The following CCSER1 variants were observed in gnomAD, a reference collection of about 807,000 sequenced individuals.
CCSER1 encodes coiled-coil serine rich protein 1, also known as serine-rich coiled-coil domain-containing protein 1.
CCSER1 carries 41 observed loss-of-function variants against 82.0 expected under a neutral mutation model. The ratio of observed to expected loss-of-function variants is 0.50; its 90% CI spans 0.39 to 0.65. CCSER1 has a LOEUF of 0.65. CCSER1 is among the 30% of genes least tolerant of loss of function. CCSER1 has a pLI of 0.00. For missense variants in CCSER1, 1,119 were observed against 1,064.2 expected, an observed-to-expected ratio of 1.05 and a Z score of -0.72; for synonymous variants, 414 against 383.9, an observed-to-expected ratio of 1.08 and a Z score of -0.92.
chr4:90,961,476 CAT>C (rs1179762751), intron 9 of CCSER1, among the ~76,000 whole-genome samples: 3 of 151,910 alleles, frequency 2.0e-5, no homozygotes, highest in Non-Finnish European at 2.9e-5. Flanking sequence ...GTATGAATAA[CAT>C]ATATACATGA....
intron 10 of CCSER1, among the ~76,000 whole-genome samples, chr4:91,562,443 T>G (rs992526238): frequency 6.6e-6 from 1 of 151,536 alleles, no homozygotes. Context: ...TGTGTGTGCC[T>G]TGGATGGAAT....
intron 8 of CCSER1, among the ~76,000 whole-genome samples, chr4:90,866,963 G>T (rs919833051): frequency 5.9e-5 from 9 of 152,030 alleles, no homozygotes; most frequent in African/African-American, 1.9e-4. Flanking sequence ...ATAACCCCTT[G>T]CCAACTGCTC....
At chr4:91,571,331 G>A (rs1481280608) in intron 10 of CCSER1, among the ~76,000 whole-genome samples, 3 of 152,084 alleles carry the variant, frequency 2.0e-5, no homozygotes, top group East Asian at 3.9e-4. Flanking sequence ...ACAATTTTTG[G>A]TATCGTTATA....
chr4:91,021,704 A>G (rs1243865336), intron 9 of CCSER1, among the ~76,000 whole-genome samples: 2 of 152,336 alleles, frequency 1.3e-5, no homozygotes, highest in East Asian at 3.9e-4. Flanking sequence ...AGACATAGGA[A>G]CAAATGATGT....
At chr4:91,218,008 C>G (rs972091192) in intron 10 of CCSER1, among the ~76,000 whole-genome samples, 1 of 152,214 alleles carries the variant, frequency 6.6e-6, no homozygotes, top group Non-Finnish European at 1.5e-5. Context: ...GACTGGGCGC[C>G]GTGGAGCAGG....
intron 9 of CCSER1, among the ~76,000 whole-genome samples, chr4:90,935,134 G>T (rs1561389878): frequency 6.6e-6 from 1 of 152,004 alleles, no homozygotes; most frequent in Admixed American, 6.6e-5. Flanking sequence ...ACTGAATCTA[G>T]GTGCTATGAT....
At chr4:91,440,216 T>A (rs7656939) in intron 10 of CCSER1, among the ~76,000 whole-genome samples, 122,667 of 151,958 alleles carry the variant, frequency 0.81, 49,745 homozygotes, top group East Asian at 0.92. Flanking sequence ...TAGTTGGAGG[T>A]AAAACTCTCC....
chr4:90,520,888 C>G (rs995962380), intron 5 of CCSER1, among the ~76,000 whole-genome samples: 2 of 152,084 alleles, frequency 1.3e-5, no homozygotes, highest in Non-Finnish European at 2.9e-5. Flanking sequence ...GCCTGGACAA[C>G]GGAGTGAGAC....
chr4:90,606,850 T>C (rs1784787278), intron 5 of CCSER1, among the ~76,000 whole-genome samples: 1 of 152,212 alleles, frequency 6.6e-6, no homozygotes, highest in Non-Finnish European at 1.5e-5. Flanking sequence ...ACTAGGTCCA[T>C]AATGTATAAA....
intron 10 of CCSER1, among the ~76,000 whole-genome samples, chr4:91,385,324 A>T (rs1265157629): frequency 1.3e-5 from 2 of 152,070 alleles, no homozygotes; most frequent in African/African-American, 4.8e-5. Flanking sequence ...AAAAAAGAAC[A>T]TGTAGTATGT....
chr4:90,224,851 A>C (rs1419474046), intron 1 of CCSER1, among the ~76,000 whole-genome samples: 1 of 152,142 alleles, frequency 6.6e-6, no homozygotes, highest in South Asian at 2.1e-4. Context: ...TCTTATTAGT[A>C]TATTTCTTAA....
intron 10 of CCSER1, among the ~76,000 whole-genome samples, chr4:91,535,491 A>G (rs1211568788): frequency 1.3e-5 from 1 of 75,820 alleles, no homozygotes. Context: ...AAGAATAACC[A>G]AATCTTCCAC....
chr4:90,462,281 T>G (rs1324985747), intron 4 of CCSER1, among the ~76,000 whole-genome samples: 1 of 152,140 alleles, frequency 6.6e-6, no homozygotes, highest in East Asian at 1.9e-4. Flanking sequence ...GTAATCAACG[T>G]ATGTGATTTT....
chr4:90,420,377 ACTT>A (rs926579891), intron 4 of CCSER1, among the ~76,000 whole-genome samples: 5 of 152,164 alleles, frequency 3.3e-5, no homozygotes, highest in South Asian at 2.1e-4. Flanking sequence ...AGCTCCTCCT[ACTT>A]CTTCTCCTAT....
intron 4 of CCSER1, among the ~76,000 whole-genome samples, chr4:90,410,880 A>T (rs1161822940): frequency 6.6e-6 from 1 of 152,234 alleles, no homozygotes; most frequent in Non-Finnish European, 1.5e-5. Context: ...ACCACTAGCA[A>T]GACTAATAAA....
At position 91,305,907 on chromosome 4, in the gene CCSER1, C is replaced by A. The variant is rs538156049; in HGVS notation, c.2217+219913C>A. Among the ~76,000 whole-genome samples the A allele has an allele frequency of 4.0e-4, 60 of 151,696 alleles. No individual in the cohort carries two copies. The South Asian group carries it at 8.5e-3, about 22-fold the overall frequency. On this transcript the variant is annotated intron_variant, in intron 10 of 10. Coordinates refer to ENST00000509176, the MANE Select transcript of CCSER1 (RefSeq NM_001145065.2). ...AACCGTCAGATCTTGTGAGACCCCC[C>A]CTCACTATCACGAGAACAGCATGGG...
At chr4:90,276,337 CTTCT>C (rs1305306030) in intron 1 of CCSER1, among the ~76,000 whole-genome samples, 2 of 107,900 alleles carry the variant, frequency 1.9e-5, no homozygotes, top group African/African-American at 3.9e-5. Flanking sequence ...TTCTTTCTTT[CTTCT>C]TTCTTTCTTT....
intron 10 of CCSER1, among the ~76,000 whole-genome samples, chr4:91,486,817 G>A (rs1274003526): frequency 2.0e-5 from 3 of 151,894 alleles, no homozygotes; most frequent in Non-Finnish European, 4.4e-5. Flanking sequence ...AGTTGCCCTG[G>A]GATCCCAAGG....
intron 1 of CCSER1, among the ~76,000 whole-genome samples, chr4:90,286,487 G>A (rs1029107080): frequency 3.9e-5 from 6 of 151,944 alleles, no homozygotes; most frequent in Non-Finnish European, 7.4e-5. Context: ...ACAGTTTATT[G>A]ATGGGGATGC....
Sources: gnomAD v4.1 joint callset for allele counts (sites outside exome capture counted in the v4.1 genomes callset) on GRCh38, gnomAD v4.1.1 for gene constraint, MANE v1.5 for transcripts, NCBI Gene and HGNC (gene_info 2026-07-23, HGNC 2026-07-21) for gene names.